CSRNP3: variants seen among roughly 807,000 people sequenced by gnomAD.
CSRNP3 encodes cysteine/serine-rich nuclear protein 3.
A neutral mutation model predicts 48.0 loss-of-function variants in CSRNP3; 12 were observed. The observed-to-expected ratio is 0.25, with a 90% confidence interval of 0.16 to 0.41. The LOEUF (loss-of-function observed/expected upper bound fraction) is 0.41. CSRNP3 is among the 10% of genes least tolerant of loss of function. CSRNP3 has a pLI of 1.00. For synonymous variants in CSRNP3, 263 were observed against 269.7 expected (o/e 0.98, Z 0.24); for missense variants, 580 against 724.4 (o/e 0.80, Z 2.29).
Position 165,515,338 on chromosome 2 carries a change from C to CAT in CSRNP3, c.-112-2518_-112-2517dup, listed in dbSNP as rs60927595. Among the ~76,000 whole-genome samples, 1,315 of 142,392 alleles carry CAT rather than the reference C, an allele frequency of 9.2e-3. 14 individuals carry two copies. The highest frequency in any genetic ancestry group is 0.023 in the African/African-American group (905 of 38,556). 93.4% of individuals were successfully genotyped at this position (142,392 alleles called of 152,430 possible). A position where few individuals can be genotyped will look rare whatever the true frequency, so the allele number is the denominator to read the frequency against. On this transcript the variant is annotated intron_variant, in intron 2 of 6. Coordinates refer to ENST00000651982, the MANE Select transcript of CSRNP3 (RefSeq NM_001172173.2). The stretch of plus-strand genomic sequence containing the variant: ...CTCCATCTCAAAAAAAAAAAAAATA[C>CAT]ATATATATATATATATATCTGTAAA...
intron 3 of CSRNP3, among the ~76,000 whole-genome samples, chr2:165,525,914 G>T (rs887178240): frequency 1.3e-5 from 2 of 152,102 alleles, no homozygotes; most frequent in African/African-American, 4.8e-5. Context: ...GTTAATTTTT[G>T]CATGTTATGA....
At chr2:165,605,943 A>G (rs187798116) in intron 4 of CSRNP3, among the ~76,000 whole-genome samples, 13 of 152,292 alleles carry the variant, frequency 8.5e-5, no homozygotes, top group African/African-American at 3.1e-4. Context: ...GCATAGAATC[A>G]GAACCACATT....
chr2:165,516,916 A>C (rs145777277), intron 2 of CSRNP3, among the ~76,000 whole-genome samples: 187 of 152,216 alleles, frequency 1.2e-3, no homozygotes, highest in South Asian at 5.4e-3. Context: ...TGTTTGTTCA[A>C]ATTACAGCAG....
At position 165,682,261 on chromosome 2, in the gene CSRNP3, G is replaced by GT. The variant is rs1054681349; in HGVS notation, c.*2515dup. ...CCAAAAGGATGCTTAAGAAAACAGAGTTTTTTTCCCCTATCCATTTATCTA... is the reference window on the plus strand; with the variant it reads ...CCAAAAGGATGCTTAAGAAAACAGAGTTTTTTTTCCCCTATCCATTTATCTA... On this transcript the variant is annotated 3_prime_UTR_variant, in exon 7 of 7. Coordinates refer to ENST00000651982, the MANE Select transcript of CSRNP3 (RefSeq NM_001172173.2). 8 of 152,022 alleles carry GT rather than the reference G, an allele frequency of 5.3e-5. No homozygotes were observed. The highest frequency in any genetic ancestry group is 2.1e-4 in the South Asian group (1 of 4,828). The allele number at this position is 152,022 out of a possible 1,614,324, so 9.4% of individuals were successfully genotyped here. A position where few individuals can be genotyped will look rare whatever the true frequency, so the allele number is the denominator to read the frequency against.
chr2:165,586,668 A>G (rs1244207084), intron 3 of CSRNP3, among the ~76,000 whole-genome samples: 2 of 152,210 alleles, frequency 1.3e-5, no homozygotes, highest in Non-Finnish European at 2.9e-5. Flanking sequence ...ATGATAGATA[A>G]CAGAACAGGA....
At chr2:165,674,408 C>T (rs1687384779) in intron 5 of CSRNP3, among the ~76,000 whole-genome samples, 1 of 151,970 alleles carries the variant, frequency 6.6e-6, no homozygotes, top group Admixed American at 6.6e-5. Context: ...TAAAAACATG[C>T]AGCTTGTTAC....
chr2:165,543,418 T>C (rs1684983434), intron 3 of CSRNP3, among the ~76,000 whole-genome samples: 1 of 152,162 alleles, frequency 6.6e-6, no homozygotes, highest in South Asian at 2.1e-4. Context: ...TTAAATGATA[T>C]ATTAATAAGA....
chr2:165,526,006 T>C (rs1490609387), intron 3 of CSRNP3, among the ~76,000 whole-genome samples: 7 of 152,230 alleles, frequency 4.6e-5, no homozygotes, highest in Admixed American at 4.6e-4. Flanking sequence ...CTATTTTTTA[T>C]CCACTAAATT....
intron 4 of CSRNP3, among the ~76,000 whole-genome samples, chr2:165,625,093 AT>A (rs891999755): frequency 6.6e-6 from 1 of 152,126 alleles, no homozygotes; most frequent in African/African-American, 2.4e-5. Context: ...GACTCCCATC[AT>A]TTTGGTTGTG....
intron 3 of CSRNP3, among the ~76,000 whole-genome samples, chr2:165,570,870 TATTTATTTAAGTCATAAAC>T (rs756113002): frequency 2.6e-5 from 4 of 151,922 alleles, no homozygotes; most frequent in Non-Finnish European, 5.9e-5. Context: ...CATCAAAAGG[TATTTATTTAAGTCATAAAC>T]ATTTATTTAA....
At chr2:165,643,806 T>C (rs759222222) in intron 4 of CSRNP3, among the ~76,000 whole-genome samples, 30 of 152,170 alleles carry the variant, frequency 2.0e-4, no homozygotes, top group Non-Finnish European at 1.6e-4. Flanking sequence ...CCCTACAACA[T>C]TGAATTATCT....
chr2:165,605,976 C>G (rs543527031), intron 4 of CSRNP3, among the ~76,000 whole-genome samples: 1 of 151,870 alleles, frequency 6.6e-6, no homozygotes, highest in Non-Finnish European at 1.5e-5. Flanking sequence ...TGGTATGTGA[C>G]GGAGGAGACA....
At position 165,553,138 on chromosome 2, in the gene CSRNP3, T is replaced by C. The variant is rs1685119372; in HGVS notation, c.-24+35177T>C. Among the ~76,000 whole-genome samples, 3 of 152,154 alleles carry C rather than the reference T, an allele frequency of 2.0e-5. No individual in the cohort carries two copies. In the South Asian group the frequency reaches 6.2e-4, roughly 32 times the overall value. On this transcript the variant is annotated intron_variant, in intron 3 of 6. Coordinates refer to ENST00000651982, the MANE Select transcript of CSRNP3 (RefSeq NM_001172173.2). ...ACATTTTTATGACCAGTAACTGTAG[T>C]CTTTTAATTATCTCAATCTCAAGCA...
intron 2 of CSRNP3, among the ~76,000 whole-genome samples, chr2:165,512,275 T>A (rs1047612354): frequency 6.6e-6 from 1 of 152,184 alleles, no homozygotes; most frequent in Non-Finnish European, 1.5e-5. Context: ...CTAGGGCCAG[T>A]CTCACCAATT....
intron 3 of CSRNP3, among the ~76,000 whole-genome samples, chr2:165,554,304 C>T (rs1685136095): frequency 6.6e-6 from 1 of 152,176 alleles, no homozygotes; most frequent in Admixed American, 6.5e-5. Flanking sequence ...TAGACTGCCT[C>T]TTTTTCCTAC....
At chr2:165,675,580 A>G (rs1055258359) in intron 5 of CSRNP3, among the ~76,000 whole-genome samples, 1 of 152,238 alleles carries the variant, frequency 6.6e-6, no homozygotes, top group African/African-American at 2.4e-5. Context: ...GACCGTTTCC[A>G]CATGAGCTAT....
rs1225855761 is a variant in CSRNP3 at position 165,495,833 on chromosome 2, A to C, written c.-113+905A>C. On this transcript the variant is annotated intron_variant, in intron 2 of 6. Transcript: ENST00000651982. ...GTATCATTCAAGAGAGGCTGTTTTC[A>C]CAATAGTTTTTTTCTAGCATTATTT... 2.0e-5 allele frequency among the ~76,000 whole-genome samples: 3 copies of C among 152,004 alleles called. No homozygotes were observed. The East Asian group carries it at 5.8e-4, about 29-fold the overall frequency.
In CSRNP3 at chr2:165,642,853, C is replaced by T. The variant is rs139499597; in HGVS notation, c.149-14908C>T. ...CTGGGATTATAGACGTGAGCCACCACGCCCAGCTTGCATATTCTTTATGAC... is the reference window on the plus strand; with the variant it reads ...CTGGGATTATAGACGTGAGCCACCATGCCCAGCTTGCATATTCTTTATGAC... On this transcript the variant is annotated intron_variant, in intron 4 of 6. Transcript: ENST00000651982. 3.0e-4 allele frequency among the ~76,000 whole-genome samples: 45 copies of T among 152,288 alleles called. No individual in the cohort carries two copies. In the Middle Eastern group the frequency reaches 0.017, roughly 58 times the overall value.
chr2:165,659,129 C>T (rs1012182867), intron 5 of CSRNP3, among the ~76,000 whole-genome samples: 17 of 152,018 alleles, frequency 1.1e-4, no homozygotes, highest in African/African-American at 4.1e-4. Context: ...ATCCAGCTCA[C>T]GAAATGGTGG....
Sources: allele counts gnomAD v4.1 joint callset (sites outside exome capture counted in the v4.1 genomes callset), GRCh38; gene constraint gnomAD v4.1.1; transcripts MANE v1.5; gene names NCBI Gene and HGNC (gene_info 2026-07-23, HGNC 2026-07-21).